The following STK3 variants were observed in gnomAD, a reference collection of about 807,000 sequenced individuals.
STK3 encodes serine/threonine-protein kinase 3.
Under a neutral mutation model 58.0 loss-of-function variants are expected in STK3, and 41 were observed. That is an observed-to-expected ratio of 0.71 (90% CI 0.55 to 0.92). STK3 has a LOEUF of 0.92. STK3 is among the 40% of genes least tolerant of loss of function. The pLI, the probability that STK3 is intolerant of heterozygous loss-of-function variation, is 0.00. For missense variants in STK3, 479 were observed against 602.7 expected (o/e 0.79, Z 2.15); for synonymous variants, 170 against 191.0 (o/e 0.89, Z 0.91).
intron 4 of STK3, among the ~76,000 whole-genome samples, chr8:98,741,038 G>C (rs1489559789): frequency 6.6e-6 from 1 of 152,168 alleles, no homozygotes. Context: ...TCAACAAGAA[G>C]AGCTAACTAT....
At chr8:98,625,871 T>C (rs1818674851) in intron 6 of STK3, among the ~76,000 whole-genome samples, 1 of 152,184 alleles carries the variant, frequency 6.6e-6, no homozygotes, top group Non-Finnish European at 1.5e-5. Context: ...GGGTACTTTT[T>C]AGGTGTACAG....
intron 1 of STK3, among the ~76,000 whole-genome samples, chr8:98,892,494 T>C (rs1288526111): frequency 6.6e-6 from 1 of 152,216 alleles, no homozygotes; most frequent in Admixed American, 6.5e-5. Flanking sequence ...CCTTATGCTC[T>C]GGCCATGGCT....
At chr8:98,820,680 A>G (rs765835734) in intron 1 of STK3, among the ~76,000 whole-genome samples, 1 of 152,124 alleles carries the variant, frequency 6.6e-6, no homozygotes, top group Non-Finnish European at 1.5e-5. Flanking sequence ...GTTCCCCTAT[A>G]AAAAATCCAA....
intron 1 of STK3, among the ~76,000 whole-genome samples, chr8:98,894,826 G>T (rs1838389453): frequency 6.6e-6 from 1 of 152,168 alleles, no homozygotes; most frequent in African/African-American, 2.4e-5. Context: ...ACTCTGTGAA[G>T]TAGAGGTCTT....
intron 6 of STK3, among the ~76,000 whole-genome samples, chr8:98,609,194 T>G (rs543591781): frequency 6.6e-6 from 1 of 152,246 alleles, no homozygotes; most frequent in African/African-American, 2.4e-5. Flanking sequence ...TATTAAGTTA[T>G]ATATTTCAGA....
chr8:98,794,905 T>TA (rs1160977726), intron 1 of STK3, among the ~76,000 whole-genome samples: 1 of 150,514 alleles, frequency 6.6e-6, no homozygotes, highest in Non-Finnish European at 1.5e-5. Flanking sequence ...CCGGCTCTAC[T>TA]AAAAAACCCA....
chr8:98,824,748 G>C (rs1430454003), intron 1 of STK3, among the ~76,000 whole-genome samples: 1 of 152,164 alleles, frequency 6.6e-6, no homozygotes, highest in Non-Finnish European at 1.5e-5. Flanking sequence ...AAGATCTCTA[G>C]CTGTCAAAGC....
intron 6 of STK3, among the ~76,000 whole-genome samples, chr8:98,685,860 T>G (rs1446244132): frequency 1.3e-5 from 2 of 150,856 alleles, no homozygotes; most frequent in African/African-American, 2.4e-5. Flanking sequence ...AAGACAACAG[T>G]AGGAAGAAAA....
At chr8:98,694,275 A>G (rs753357121) in intron 6 of STK3, among the ~76,000 whole-genome samples, 2 of 152,228 alleles carry the variant, frequency 1.3e-5, no homozygotes, top group Non-Finnish European at 2.9e-5. Flanking sequence ...ATGTTTGAAA[A>G]TATCTGCAGG....
chr8:98,926,229 C>A (rs567925545), intron 1 of STK3, among the ~76,000 whole-genome samples: 5 of 152,280 alleles, frequency 3.3e-5, no homozygotes, highest in African/African-American at 1.2e-4. Context: ...ACTCTGCAGG[C>A]TGCTTGGGTT....
chr8:98,606,882 A>T (rs1272582226), intron 6 of STK3, among the ~76,000 whole-genome samples: 1 of 152,242 alleles, frequency 6.6e-6, no homozygotes, highest in Non-Finnish European at 1.5e-5. Flanking sequence ...CTAGCAAGTT[A>T]TCAAACCTGA....
At chr8:98,934,580 T>C (rs1840128123) in intron 1 of STK3, among the ~76,000 whole-genome samples, 1 of 152,210 alleles carries the variant, frequency 6.6e-6, no homozygotes, top group Admixed American at 6.5e-5. Context: ...GTGAAAACGA[T>C]GTAGAACCAA....
intron 1 of STK3, among the ~76,000 whole-genome samples, chr8:98,925,852 G>T (rs1348717262): frequency 6.6e-6 from 1 of 152,158 alleles, no homozygotes; most frequent in East Asian, 1.9e-4. Context: ...AAGGATTAAA[G>T]GTATGGGATT....
chr8:98,768,918 G>A (rs1831118179), intron 2 of STK3, among the ~76,000 whole-genome samples: 1 of 152,164 alleles, frequency 6.6e-6, no homozygotes, highest in African/African-American at 2.4e-5. Flanking sequence ...GTAGTTGGTG[G>A]GAGTTTCTCA....
intron 10 of STK3, among the ~76,000 whole-genome samples, chr8:98,519,993 T>C (rs1448881637): frequency 2.0e-5 from 3 of 152,180 alleles, no homozygotes; most frequent in Admixed American, 1.3e-4. Context: ...GTTTTTGTTC[T>C]TATTCCAAAA....
chr8:98,453,607 G>A (rs1819301979), downstream of STK3, among the ~76,000 whole-genome samples: 1 of 152,116 alleles, frequency 6.6e-6, no homozygotes, highest in East Asian at 1.9e-4. Flanking sequence ...AGATATAATA[G>A]GATATAAAGT....
At chr8:98,425,044 A>AG (rs1265391637) in intron 3 of STK3, among the ~76,000 whole-genome samples, 1 of 152,194 alleles carries the variant, frequency 6.6e-6, no homozygotes, top group Non-Finnish European at 1.5e-5. Flanking sequence ...AAGGTGTGGA[A>AG]GGGGGGATTG....
intron 3 of STK3, among the ~76,000 whole-genome samples, chr8:98,848,673 A>G (rs1487227461): frequency 1.3e-5 from 2 of 152,214 alleles, no homozygotes; most frequent in Non-Finnish European, 2.9e-5. Context: ...GTGGTAGCAT[A>G]TATCAGAACT....
chr8:98,614,395 C>G (rs1209301971), intron 6 of STK3, among the ~76,000 whole-genome samples: 1 of 152,136 alleles, frequency 6.6e-6, no homozygotes, highest in African/African-American at 2.4e-5. Flanking sequence ...CACTTGAAAA[C>G]TAAAGAACAC....
Sources: gnomAD v4.1 joint callset for allele counts (sites outside exome capture counted in the v4.1 genomes callset) on GRCh38, gnomAD v4.1.1 for gene constraint, MANE v1.5 for transcripts, NCBI Gene and HGNC (gene_info 2026-07-23, HGNC 2026-07-21) for gene names.